The following CEP126 variants were observed in gnomAD, a reference collection of about 807,000 sequenced individuals.
CEP126 encodes centrosomal protein of 126 kDa.
Under a neutral mutation model 107.8 loss-of-function variants are expected in CEP126, and 74 were observed. The observed-to-expected ratio is 0.69, with a 90% CI of 0.57 to 0.83. The LOEUF (loss-of-function observed/expected upper bound fraction) is 0.83. Ranked by LOEUF, CEP126 falls within the 40% of genes least tolerant of loss-of-function variation. The pLI is 0.00. For synonymous variants in CEP126, 449 were observed against 446.0 expected, an observed-to-expected ratio of 1.01 and a Z score of -0.08; for missense variants, 1,237 against 1,281.9, an observed-to-expected ratio of 0.96 and a Z score of 0.53.
At chr11:101,988,309 G>C (rs915591423) in intron 9 of CEP126, among the ~76,000 whole-genome samples, 3 of 152,086 alleles carry the variant, frequency 2.0e-5, no homozygotes, top group African/African-American at 7.2e-5. Flanking sequence ...GATTACAGAC[G>C]TCTGAACAGA....
At chr11:101,928,512 C>G (rs781761541) in intron 2 of CEP126, among the ~76,000 whole-genome samples, 1 of 152,114 alleles carries the variant, frequency 6.6e-6, no homozygotes, top group Non-Finnish European at 1.5e-5. Context: ...ACAGTTAAGT[C>G]TGTGATCCAG....
At chr11:101,921,011 C>T (rs778757532) in intron 1 of CEP126, among the ~76,000 whole-genome samples, 10 of 152,088 alleles carry the variant, frequency 6.6e-5, no homozygotes, top group Admixed American at 1.3e-4. Context: ...TCAATTAAAA[C>T]GCAACTAAAT....
In CEP126 at chr11:101,963,730, G is replaced by C; in HGVS notation, c.2695G>C (p.Ala899Pro). ...TCATTCAAATGGCACTCAAGCAGTT[G>C]CCCGGCAAGATGCGACATTATATTG... is the stretch of plus-strand genomic sequence containing the variant. ...INHSNGTQAV[A>P]RQDATLYCTQ... is the part of the protein sequence containing the mutation. The change falls in exon 6 of 11, where the codon GCC (alanine) becomes CCC (proline). Residue 899 changes from alanine to proline, a missense_variant. Ala to Pro is a conservative substitution (Grantham distance 27). Transcript: ENST00000263468. The C allele has an allele frequency of 6.2e-7, 1 of 1,614,046 alleles. No individual in the cohort carries two copies. The highest frequency in any genetic ancestry group is 8.5e-7 in the Non-Finnish European group (1 of 1,180,008).
rs893326654 is a variant in CEP126 at position 101,962,088 on chromosome 11, T to G, written c.1053T>G (p.Ser351=). 4 of 1,612,082 alleles carry G rather than the reference T, an allele frequency of 2.5e-6. No individual in the cohort carries two copies. The highest frequency in any genetic ancestry group is 8.5e-7 in the Non-Finnish European group (1 of 1,179,232). The change falls in exon 6 of 11, where the codon TCT becomes TCG. Residue 351 remains serine (S), a synonymous_variant. Coordinates refer to ENST00000263468, the MANE Select transcript of CEP126 (RefSeq NM_020802.4). ...TTAATAGTAAAGAACAAAATCCATC[T>G]CCTTTGAATGGAACAGTGGAAAGAG... The part of the protein sequence containing the change: ...EYFNSKEQNP[S]PLNGTVERAT...
At chr11:101,976,602 T>C (rs1002617513) in intron 6 of CEP126, among the ~76,000 whole-genome samples, 5 of 152,210 alleles carry the variant, frequency 3.3e-5, no homozygotes, top group African/African-American at 7.2e-5. Context: ...TATACACATA[T>C]GCATATCGAT....
intron 2 of CEP126, among the ~76,000 whole-genome samples, chr11:101,938,204 G>GTTGTTGAA (rs1477108517): frequency 6.8e-6 from 1 of 147,492 alleles, no homozygotes; most frequent in East Asian, 2.0e-4. Flanking sequence ...TTTTACCTAA[G>GTTGTTGAA]TTGTTGAATT....
At chr11:101,997,297 A>G (rs550048257) in intron 10 of CEP126, among the ~76,000 whole-genome samples, 2 of 152,330 alleles carry the variant, frequency 1.3e-5, no homozygotes, top group South Asian at 4.1e-4. Context: ...CGGCCTCCCA[A>G]AGTGCTGGGA....
intron 5 of CEP126, 37 bp downstream of exon 5, chr11:101,958,403 C>G: frequency 6.4e-7 from 1 of 1,562,532 alleles, no homozygotes; most frequent in Non-Finnish European, 8.8e-7. Context: ...TATTTTAATT[C>G]CTTGCACTAA....
chr11:101,997,618 C>T lies in CEP126; in HGVS notation c.3329C>T (p.Thr1110Ile), dbSNP rs559456720. 4.3e-6 allele frequency: 7 copies of T among 1,613,822 alleles called. No individual in the cohort carries two copies. Among genetic ancestry groups the T allele is most frequent in the Non-Finnish European group, 5.9e-6 (7 of 1,179,834 alleles). The change falls in exon 11 of 11, where the codon ACC (threonine) becomes ATC (isoleucine). Residue 1110 changes from threonine (T) to isoleucine (I), a missense_variant. Coordinates refer to ENST00000263468, the MANE Select transcript of CEP126 (RefSeq NM_020802.4). ...TTCCAGGAGAAGAGAGAAGATAGAACCAGCAGCTGCAGAGACAAGAGATAA... is the reference window on the plus strand; with the variant it reads ...TTCCAGGAGAAGAGAGAAGATAGAATCAGCAGCTGCAGAGACAAGAGATAA... Reference protein sequence around the residue: ...IPLLEKREDRTSSCRDKR With the variant: ...IPLLEKREDRISSCRDKR
At chr11:101,919,055 A>AT (rs540965564) in intron 1 of CEP126, among the ~76,000 whole-genome samples, 232 of 152,340 alleles carry the variant, frequency 1.5e-3, no homozygotes, top group African/African-American at 5.4e-3. Context: ...GAACTTTGGA[A>AT]TTTTTCATGA....
rs959338186 is a variant in CEP126, at chr11:101,999,224, T to A, written c.*1581T>A. On this transcript the variant is annotated 3_prime_UTR_variant, in exon 11 of 11. Coordinates refer to ENST00000263468, the MANE Select transcript of CEP126 (RefSeq NM_020802.4). Reference sequence around the variant, plus strand: ...TGTAATTTATAAAATAACATTTCAATGGGGGTAAACAGGCCAGAAGAGTGT... The same window carrying A: ...TGTAATTTATAAAATAACATTTCAAAGGGGGTAAACAGGCCAGAAGAGTGT... 4 of 151,696 alleles carry A rather than the reference T, an allele frequency of 2.6e-5. No individual in the cohort carries two copies. The highest frequency in any genetic ancestry group is 5.9e-5 in the Non-Finnish European group (4 of 67,992). 9.4% of individuals were successfully genotyped at this position (151,696 alleles called of 1,614,324 possible).
At chr11:101,926,360 C>T (rs1202677552) in intron 2 of CEP126, among the ~76,000 whole-genome samples, 2 of 152,122 alleles carry the variant, frequency 1.3e-5, no homozygotes, top group African/African-American at 4.8e-5. Flanking sequence ...ATGAAATACA[C>T]GACAAAAGTT....
At chr11:101,940,368 TAAA>T (rs759738607) in intron 2 of CEP126, among the ~76,000 whole-genome samples, 11 of 152,186 alleles carry the variant, frequency 7.2e-5, no homozygotes, top group Non-Finnish European at 1.6e-4. Context: ...TAAAATAACA[TAAA>T]GAAGAAAACA....
intron 10 of CEP126, among the ~76,000 whole-genome samples, chr11:101,994,395 T>C (rs1039082053): frequency 6.6e-6 from 1 of 152,252 alleles, no homozygotes; most frequent in Non-Finnish European, 1.5e-5. Flanking sequence ...TGTCAATGTT[T>C]GCTTTTGTTG....
intron 6 of CEP126, among the ~76,000 whole-genome samples, chr11:101,971,021 G>C (rs1247926335): frequency 6.6e-6 from 1 of 152,202 alleles, no homozygotes; most frequent in East Asian, 1.9e-4. Flanking sequence ...TGTCACCCGG[G>C]CTGGAGTGTG....
chr11:101,974,824 T>G (rs1941174369), intron 6 of CEP126, among the ~76,000 whole-genome samples: 1 of 152,176 alleles, frequency 6.6e-6, no homozygotes, highest in African/African-American at 2.4e-5. Flanking sequence ...GAAAAATACA[T>G]AAACAGTTTT....
chr11:101,954,968 A>T (rs1414732070), intron 4 of CEP126, among the ~76,000 whole-genome samples: 1 of 152,168 alleles, frequency 6.6e-6, no homozygotes, highest in Non-Finnish European at 1.5e-5. Context: ...TTAAGAAATA[A>T]AGTAATGCCA....
rs745579645 is a variant in CEP126 at position 101,955,938 on chromosome 11, T to A, written c.507-2230T>A. The stretch of plus-strand genomic sequence containing the variant: ...TCTCCTGCCCGCCAGCCCCATATAC[T>A]GCCTATCCATCCATCTGTACCCTCT... On this transcript the variant is annotated intron_variant, in intron 4 of 10. Transcript: ENST00000263468. 3.9e-5 allele frequency: 18 copies of A among 456,344 alleles called. No individual in the cohort carries two copies. In the Admixed American group the frequency reaches 4.0e-4, roughly 10 times the overall value. 28.3% of individuals were successfully genotyped at this position (456,344 alleles called of 1,614,324 possible). A position where few individuals can be genotyped will look rare whatever the true frequency, so the allele number is the denominator to read the frequency against.
At chr11:101,994,468 C>T (rs1004101759) in intron 10 of CEP126, among the ~76,000 whole-genome samples, 1 of 151,784 alleles carries the variant, frequency 6.6e-6, no homozygotes, top group Non-Finnish European at 1.5e-5. Flanking sequence ...GATGGTGTTT[C>T]CTAGGTTATC....
Sources: gnomAD v4.1 joint callset for allele counts (sites outside exome capture counted in the v4.1 genomes callset) on GRCh38, gnomAD v4.1.1 for gene constraint, MANE v1.5 for transcripts, NCBI Gene and HGNC (gene_info 2026-07-23, HGNC 2026-07-21) for gene names.